Variants in ITGAM observed in about 807,000 individuals in gnomAD.
ITGAM encodes integrin alpha-M.
A neutral mutation model predicts 137.5 loss-of-function variants in ITGAM; 79 were observed. That is an observed-to-expected ratio of 0.57 (90% CI 0.48 to 0.69). The LOEUF (loss-of-function observed/expected upper bound fraction) is 0.69, where lower values mean the gene tolerates loss of function less well. Among genes scored for constraint, ITGAM ranks in the 30% least tolerant of loss-of-function variants. The pLI is 0.00. For synonymous variants in ITGAM, 583 were observed against 592.3 expected, an observed-to-expected ratio of 0.98 and a Z score of 0.23; for missense variants, 1,343 against 1,483.5, an observed-to-expected ratio of 0.91 and a Z score of 1.56.
intron 14 of ITGAM, among the ~76,000 whole-genome samples, chr16:31,308,108 T>C (rs2080284179): frequency 6.6e-6 from 1 of 152,176 alleles, no homozygotes. Flanking sequence ...TCTAAAATTC[T>C]CTTTTTTTGT....
At chr16:31,307,255 A>G (rs28593023) in intron 14 of ITGAM, among the ~76,000 whole-genome samples, 3 of 152,054 alleles carry the variant, frequency 2.0e-5, no homozygotes, top group African/African-American at 4.8e-5. Flanking sequence ...CCATTTTCAC[A>G]ATATTGATTC....
intron 7 of ITGAM, 30 bp downstream of exon 7, chr16:31,272,022 GGGA>G: frequency 6.2e-7 from 1 of 1,613,412 alleles, no homozygotes; most frequent in Non-Finnish European, 8.5e-7. Context: ...TTAGGATGGA[GGGA>G]GGAGGAGACA....
intron 14 of ITGAM, among the ~76,000 whole-genome samples, chr16:31,310,297 C>G (rs1460795732): frequency 1.3e-5 from 2 of 152,180 alleles, no homozygotes; most frequent in African/African-American, 4.8e-5. Context: ...TGTTTTCCAA[C>G]TTGATTCCAT....
At chr16:31,294,466 C>T (rs2080114197) in intron 12 of ITGAM, among the ~76,000 whole-genome samples, 1 of 152,050 alleles carries the variant, frequency 6.6e-6, no homozygotes, top group Non-Finnish European at 1.5e-5. Flanking sequence ...TTATTAAAGC[C>T]TTCTCTTCAT....
rs41520646 is a variant in ITGAM, at chr16:31,329,189, C to T, written c.2793-39C>T. 1,349 of 1,415,282 alleles carry T rather than the reference C, an allele frequency of 9.5e-4. 8 individuals are homozygous for T. The African/African-American group carries it at 0.017, about 18-fold the overall frequency. 87.7% of individuals were successfully genotyped at this position (1,415,282 alleles called of 1,614,324 possible). The stretch of plus-strand genomic sequence containing the variant: ...TGAGACACCCTCCCAGGGCACCCCT[C>T]ATGTTTTGTCACCTCCTGTCCCTTT... On this transcript the variant is annotated intron_variant, in intron 23 of 29. Coordinates refer to ENST00000544665, the MANE Select transcript of ITGAM (RefSeq NM_000632.4).
Position 31,330,518 on chromosome 16 carries a change from C to T in ITGAM, c.3189C>T (p.His1063=), listed in dbSNP as rs1014380772. Residue 1063 remains histidine, a synonymous_variant, in exon 28 of 30, where the codon CAC becomes CAT. Transcript: ENST00000544665. The part of the protein sequence containing the change: ...FDWYIKTSHN[H]LLIVSTAEIL... ...CTCTTCCACAGACCTCGCATAACCA[C>T]CTCCTGATCGTGAGCACAGCTGAGA... 1.2e-6 allele frequency: 2 copies of T among 1,613,786 alleles called. No individual in the cohort carries two copies. The highest frequency in any genetic ancestry group is 2.7e-5 in the African/African-American group (2 of 75,070).
chr16:31,272,675 G>A (rs12928725), intron 7 of ITGAM, among the ~76,000 whole-genome samples: 1 of 148,348 alleles, frequency 6.7e-6, no homozygotes, highest in Non-Finnish European at 1.5e-5. Context: ...GTAGAGACAG[G>A]GTTTCACCAT....
In ITGAM at chr16:31,265,367, T is replaced by A. The variant is rs375874725; in HGVS notation, c.135-28T>A. The A allele has an allele frequency of 2.4e-5, 33 of 1,400,344 alleles. No individual in the cohort carries two copies. In the African/African-American group the frequency reaches 4.5e-4, roughly 19 times the overall value. 86.7% of individuals were successfully genotyped at this position (1,400,344 alleles called of 1,614,324 possible). ...CTCCTTCTCTCCCCACATGTCGAAG[T>A]TTTCTCTGTTCCCACTTCTCCCCAC... On this transcript the variant is annotated intron_variant, in intron 2 of 29. Transcript: ENST00000544665.
At chr16:31,275,913 A>G (rs1270854454) in intron 9 of ITGAM, among the ~76,000 whole-genome samples, 1 of 152,184 alleles carries the variant, frequency 6.6e-6, no homozygotes, top group Non-Finnish European at 1.5e-5. Flanking sequence ...AATCTTGGCT[A>G]TAGGCTGGTA....
intron 2 of ITGAM, among the ~76,000 whole-genome samples, chr16:31,262,339 C>CCTTCCTTT (rs1567243920): frequency 8.6e-5 from 1 of 11,594 alleles, no homozygotes; most frequent in East Asian, 1.3e-3. Context: ...TCCCTTCCAT[C>CCTTCCTTT]CTTCCTTCCT....
intron 14 of ITGAM, among the ~76,000 whole-genome samples, chr16:31,304,696 C>T (rs113249547): frequency 3.5e-4 from 53 of 152,216 alleles, no homozygotes; most frequent in African/African-American, 9.9e-4. Flanking sequence ...GTTTTCCCAG[C>T]GCCATTTACT....
At chr16:31,302,408 T>TTTTCTTTCTTTCTTTC (rs140903387) in intron 14 of ITGAM, among the ~76,000 whole-genome samples, 2 of 130,874 alleles carry the variant, frequency 1.5e-5, no homozygotes, top group African/African-American at 6.5e-5. Flanking sequence ...TTCTTTTCTT[T>TTTTCTTTCTTTCTTTC]TTTCTTTCTT....
At chr16:31,286,916 C>G (rs955263433) in intron 12 of ITGAM, among the ~76,000 whole-genome samples, 1 of 152,132 alleles carries the variant, frequency 6.6e-6, no homozygotes, top group Non-Finnish European at 1.5e-5. Flanking sequence ...AGTTCTTTGC[C>G]AAGGCTGCTG....
chr16:31,291,898 C>T (rs1393016381), intron 12 of ITGAM, among the ~76,000 whole-genome samples: 1 of 151,906 alleles, frequency 6.6e-6, no homozygotes, highest in Admixed American at 6.6e-5. Flanking sequence ...CTATAGTTAA[C>T]AATAATTTAT....
At chr16:31,285,293 T>C (rs1283709221) in intron 12 of ITGAM, among the ~76,000 whole-genome samples, 2 of 152,146 alleles carry the variant, frequency 1.3e-5, no homozygotes, top group African/African-American at 4.8e-5. Flanking sequence ...GGATTTAATT[T>C]CTGCCTTTTA....
intron 14 of ITGAM, among the ~76,000 whole-genome samples, chr16:31,312,620 G>T (rs1567273593): frequency 6.6e-6 from 1 of 151,964 alleles, no homozygotes; most frequent in Non-Finnish European, 1.5e-5. Flanking sequence ...GCAGTGACAG[G>T]GTCTGTCTAT....
intron 8 of ITGAM, 155 bp downstream of exon 8, chr16:31,273,673 CT>C: frequency 4.2e-6 from 3 of 709,452 alleles, no homozygotes; most frequent in Non-Finnish European, 6.8e-6. Flanking sequence ...CACATCAATG[CT>C]GTGTAATAAA....
At chr16:31,292,153 A>T (rs1053815345) in intron 12 of ITGAM, among the ~76,000 whole-genome samples, 1 of 152,094 alleles carries the variant, frequency 6.6e-6, no homozygotes, top group African/African-American at 2.4e-5. Context: ...AAAAATAAAA[A>T]AGTAGAGTAT....
At chr16:31,264,422 C>G (rs2079740774) in intron 2 of ITGAM, among the ~76,000 whole-genome samples, 1 of 151,674 alleles carries the variant, frequency 6.6e-6, no homozygotes, top group Admixed American at 6.6e-5. Context: ...TATACTCCAG[C>G]CTGGGTGATG....
Sources: gnomAD v4.1 joint callset for allele counts (sites outside exome capture counted in the v4.1 genomes callset) on GRCh38, gnomAD v4.1.1 for gene constraint, MANE v1.5 for transcripts, NCBI Gene and HGNC (gene_info 2026-07-23, HGNC 2026-07-21) for gene names.